The following PRKN variants were observed in gnomAD, a reference collection of about 807,000 sequenced individuals.
PRKN encodes the protein parkin RBR E3 ubiquitin protein ligase.
A neutral mutation model predicts 59.5 loss-of-function variants in PRKN; 56 were observed. The observed-to-expected ratio is 0.94, with a 90% CI of 0.76 to 1.18. The LOEUF (loss-of-function observed/expected upper bound fraction) is 1.18. Among genes scored for constraint, PRKN ranks in the 50% most tolerant of loss-of-function variants. The pLI is 0.00. For synonymous variants in PRKN, 250 were observed against 222.1 expected (o/e 1.13, Z -1.12); for missense variants, 657 against 596.4 (o/e 1.10, Z -1.06).
intron 6 of PRKN, among the ~76,000 whole-genome samples, chr6:161,837,707 T>C (rs761681162): frequency 7.2e-5 from 11 of 152,072 alleles, no homozygotes; most frequent in Non-Finnish European, 1.6e-4. Flanking sequence ...AGGGTGAGGG[T>C]AGACTTAACA....
In PRKN at chr6:161,588,886, T is replaced by TC. The variant is rs1229529569; in HGVS notation, c.872-19471_872-19470insG. On this transcript the variant is annotated intron_variant, in intron 7 of 11. Transcript: ENST00000366898. The surrounding 1 kb of genome is among the most constrained non-coding windows in gnomAD (Gnocchi z 5.0). ...TGAGTTTCAGTAAAGTACCAAGTCC[T>TC]TTTTTTTTAGCCTAAGCCTGACCCA... Among the ~76,000 whole-genome samples, 1 of 150,942 alleles carries TC rather than the reference T, an allele frequency of 6.6e-6. No homozygotes were observed. The highest frequency in any genetic ancestry group is 1.9e-4 in the East Asian group (1 of 5,168).
Position 161,440,591 on chromosome 6 carries a change from G to A in PRKN, c.1084-53714C>T, listed in dbSNP as rs1002580755. ...AGGGGTCTGGGAGTTGCTGGAAATG[G>A]ATAAGAAAATCCTAGTTCTACCTCG... is the stretch of plus-strand genomic sequence containing the variant. On this transcript the variant is annotated intron_variant, in intron 9 of 11. Transcript: ENST00000366898. This position sits in a 1 kb window ranked among gnomAD's most constrained non-coding sequence, Gnocchi z 4.1. 2.0e-5 allele frequency among the ~76,000 whole-genome samples: 3 copies of A among 152,298 alleles called. No individual in the cohort carries two copies. In the South Asian group the frequency reaches 6.2e-4, roughly 32 times the overall value.
At chr6:162,298,220 T>A (rs886529387) in intron 2 of PRKN, among the ~76,000 whole-genome samples, 6 of 151,888 alleles carry the variant, frequency 4.0e-5, no homozygotes, top group Admixed American at 2.6e-4. Flanking sequence ...CCCTCCATCC[T>A]TCCTGGCCCT....
chr6:162,645,868 CTTTTTT>C (rs751656108), intron 1 of PRKN, among the ~76,000 whole-genome samples: 25 of 121,146 alleles, frequency 2.1e-4, no homozygotes, highest in Middle Eastern at 0.011. Flanking sequence ...TAAACTTTCT[CTTTTTT>C]TTTTTTTTTT....
chr6:162,658,674 GAAAAAAAA>G (rs749187156), intron 1 of PRKN, among the ~76,000 whole-genome samples: 1 of 97,126 alleles, frequency 1.0e-5, no homozygotes, highest in Non-Finnish European at 2.1e-5. Context: ...AAAAAAAAAA[GAAAAAAAA>G]AAGAAAAAAG....
intron 4 of PRKN, among the ~76,000 whole-genome samples, chr6:162,077,415 C>T (rs1778871060): frequency 6.6e-6 from 1 of 152,080 alleles, no homozygotes; most frequent in African/African-American, 2.4e-5. Context: ...CCTATCCCAC[C>T]ACAGTTCAGC....
intron 4 of PRKN, among the ~76,000 whole-genome samples, chr6:162,111,295 CT>C (rs1314439933): frequency 2.0e-5 from 3 of 152,058 alleles, no homozygotes; most frequent in Non-Finnish European, 4.4e-5. Flanking sequence ...GAAACCCCGT[CT>C]CTACTAAAAA....
intron 9 of PRKN, among the ~76,000 whole-genome samples, chr6:161,455,788 G>A (rs140801305): frequency 1.8e-3 from 278 of 151,548 alleles, no homozygotes; most frequent in Middle Eastern, 0.017. Context: ...TCTCGAACCC[G>A]GGAGGCGGAG....
At chr6:161,846,164 T>G (rs538139937) in intron 6 of PRKN, among the ~76,000 whole-genome samples, 1 of 152,262 alleles carries the variant, frequency 6.6e-6, no homozygotes, top group African/African-American at 2.4e-5. Context: ...GAAGAGAAGT[T>G]TTGTAACTGT....
intron 1 of PRKN, among the ~76,000 whole-genome samples, chr6:162,590,196 T>C (rs1781246577): frequency 2.0e-5 from 3 of 152,236 alleles, no homozygotes; most frequent in Admixed American, 1.3e-4. Context: ...ATGCTCATTA[T>C]GGAATTTTTC....
chr6:161,639,102 G>A (rs1041699979), intron 7 of PRKN, among the ~76,000 whole-genome samples: 1 of 152,138 alleles, frequency 6.6e-6, no homozygotes, highest in African/African-American at 2.4e-5. Context: ...ATGTGAAGAA[G>A]GACATGTTTG....
chr6:161,971,969 A>T lies in PRKN; in HGVS notation c.734+1333T>A, dbSNP rs1780828667. Among the ~76,000 whole-genome samples the T allele has an allele frequency of 2.6e-5, 4 of 152,272 alleles. No homozygotes were observed. In the South Asian group the frequency reaches 8.3e-4, roughly 32 times the overall value. ...ACTTTATTCATTAATTCATTTTGGC[A>T]TTTCATTAAAAAGTTCTTTCTGGGC... On this transcript the variant is annotated intron_variant, in intron 6 of 11. Transcript: ENST00000366898.
At chr6:161,599,087 C>T (rs1396426161) in intron 7 of PRKN, among the ~76,000 whole-genome samples, 2 of 152,138 alleles carry the variant, frequency 1.3e-5, no homozygotes, top group Non-Finnish European at 2.9e-5. Flanking sequence ...AAAGCTCAGA[C>T]AAGGGGTGGG....
At chr6:162,030,268 C>G (rs1430212156) in intron 5 of PRKN, among the ~76,000 whole-genome samples, 1 of 152,140 alleles carries the variant, frequency 6.6e-6, no homozygotes, top group Non-Finnish European at 1.5e-5. Flanking sequence ...ATGATGTTGC[C>G]TCCCATGTTA....
chr6:161,899,767 A>G (rs543232551), intron 6 of PRKN, among the ~76,000 whole-genome samples: 4 of 152,162 alleles, frequency 2.6e-5, no homozygotes, highest in South Asian at 2.1e-4. Context: ...GCGTATTCCC[A>G]TACGTTGTAC....
At chr6:162,344,183 T>G (rs1054653319) in intron 2 of PRKN, among the ~76,000 whole-genome samples, 2 of 152,144 alleles carry the variant, frequency 1.3e-5, no homozygotes, top group African/African-American at 4.8e-5. Flanking sequence ...AAGACTTGGT[T>G]TTTTTGAAGA....
chr6:161,505,234 A>G (rs375591083), intron 9 of PRKN, among the ~76,000 whole-genome samples: 6 of 152,150 alleles, frequency 3.9e-5, no homozygotes, highest in Non-Finnish European at 5.9e-5. Context: ...GTGTGAGATG[A>G]TATCTCATTG....
chr6:161,961,136 CAT>C (rs1331362972), intron 6 of PRKN, among the ~76,000 whole-genome samples: 7 of 152,208 alleles, frequency 4.6e-5, no homozygotes, highest in South Asian at 2.1e-4. Context: ...CTGACGTACA[CAT>C]GTGTCTGGAC....
chr6:162,107,560 C>G (rs937625183), intron 4 of PRKN, among the ~76,000 whole-genome samples: 2 of 152,206 alleles, frequency 1.3e-5, no homozygotes, highest in African/African-American at 4.8e-5. Flanking sequence ...AAGAGTTTCT[C>G]ATTTTGGAGA....
Sources: allele counts gnomAD v4.1 joint callset (sites outside exome capture counted in the v4.1 genomes callset), GRCh38; gene constraint gnomAD v4.1.1; non-coding constraint Gnocchi (gnomAD v3.1); transcripts MANE v1.5; gene names NCBI Gene and HGNC (gene_info 2026-07-23, HGNC 2026-07-21).